PTPRB: variants seen among roughly 807,000 people sequenced by gnomAD.
PTPRB encodes the protein protein tyrosine phosphatase receptor type B, also known as receptor-type tyrosine-protein phosphatase beta.
PTPRB carries 97 observed loss-of-function variants against 238.1 expected under a neutral mutation model. The ratio of observed to expected loss-of-function variants is 0.41; its 90% CI spans 0.35 to 0.48. The LOEUF (loss-of-function observed/expected upper bound fraction) is 0.48. PTPRB is among the 20% of genes least tolerant of loss of function. The probability of loss-of-function intolerance (pLI) is 0.30; values close to 1 mark genes in which losing one functional copy is unlikely to be tolerated. For synonymous variants in PTPRB, 970 were observed against 995.4 expected (o/e 0.97, Z 0.48); for missense variants, 2,292 against 2,681.9 (o/e 0.85, Z 3.21).
intron 2 of PTPRB, among the ~76,000 whole-genome samples, chr12:70,624,601 C>T (rs575053887): frequency 1.3e-5 from 2 of 152,240 alleles, no homozygotes; most frequent in East Asian, 1.9e-4. Context: ...CTTAAGTAGA[C>T]GTTTGTCTAT....
At chr12:70,627,375 T>C (rs1885253593) in intron 2 of PTPRB, among the ~76,000 whole-genome samples, 1 of 151,956 alleles carries the variant, frequency 6.6e-6, no homozygotes, top group African/African-American at 2.4e-5. Flanking sequence ...ATAGGCACAG[T>C]GATTAGGGCC....
rs557292083 is a variant in PTPRB at position 70,579,770 on chromosome 12, C to A, written c.2578+1266G>T. ...ATAGAATGAGGGAAATGGGCATACA[C>A]CAGTGAATTTCTACCAAGACTATGA... On this transcript the variant is annotated intron_variant, in intron 10 of 33. Transcript: ENST00000334414. 3.5e-4 allele frequency among the ~76,000 whole-genome samples: 53 copies of A among 151,424 alleles called. 3 individuals carry two copies. In the South Asian group the frequency reaches 0.01, roughly 29 times the overall value.
intron 3 of PTPRB, among the ~76,000 whole-genome samples, chr12:70,615,023 G>A (rs962278216): frequency 3.3e-5 from 5 of 152,110 alleles, no homozygotes; most frequent in Non-Finnish European, 7.4e-5. Context: ...CATTAGGAGA[G>A]GGCGGTTGTA....
At chr12:70,539,529 C>A (rs2136249410) in intron 26 of PTPRB, 96 bp downstream of exon 26, 4 of 995,672 alleles carry the variant, frequency 4.0e-6, no homozygotes, top group Non-Finnish European at 1.5e-6. Flanking sequence ...CTCCTAACTT[C>A]TGAGCTCAAT....
At chr12:70,610,922 T>A (rs1220311962) in intron 3 of PTPRB, among the ~76,000 whole-genome samples, 1 of 152,188 alleles carries the variant, frequency 6.6e-6, no homozygotes, top group Non-Finnish European at 1.5e-5. Context: ...CGTTCAGCCC[T>A]AACTGTATGC....
chr12:70,586,055 C>T (rs1452741485), intron 9 of PTPRB, among the ~76,000 whole-genome samples: 1 of 152,172 alleles, frequency 6.6e-6, no homozygotes, highest in Non-Finnish European at 1.5e-5. Context: ...CATTGATGGA[C>T]ATTCGGGTTG....
intron 15 of PTPRB, among the ~76,000 whole-genome samples, chr12:70,563,799 C>A (rs188206284): frequency 1.3e-5 from 2 of 152,256 alleles, no homozygotes; most frequent in African/African-American, 2.4e-5. Context: ...TCATCTTCTA[C>A]CAGACATCCC....
At chr12:70,636,093 C>G (rs1325259941) in intron 1 of PTPRB, 27 bp from the exon 2 acceptor site, 2 of 1,552,808 alleles carry the variant, frequency 1.3e-6, no homozygotes, top group Non-Finnish European at 1.7e-6. Flanking sequence ...TCATAAAGCA[C>G]TATGTAGCAA....
At chr12:70,580,635 C>A (rs77312011) in intron 10 of PTPRB, among the ~76,000 whole-genome samples, 1 of 151,762 alleles carries the variant, frequency 6.6e-6, no homozygotes, top group East Asian at 1.9e-4. Flanking sequence ...GCCTGACCAA[C>A]GTGGAGAAAC....
At position 70,592,596 on chromosome 12, in the gene PTPRB, T is replaced by A. The variant is rs1882600685; in HGVS notation, c.1517-51A>T. The A allele has an allele frequency of 2.6e-6, 4 of 1,553,808 alleles. No homozygotes were observed. The South Asian group carries it at 5.0e-5, about 19-fold the overall frequency. On this transcript the variant is annotated intron_variant, in intron 6 of 33. Transcript: ENST00000334414. ...ACTTTTACTCAGGATCTCTCACAAG[T>A]CCTATGGCCAAATTTTGACCTGTAA...
At chr12:70,609,442 T>C in intron 3 of PTPRB, 103 bp from the exon 4 acceptor site, 1 of 1,427,940 alleles carries the variant, frequency 7.0e-7, no homozygotes. Context: ...CTACTTATCC[T>C]TTGTCCCTTG....
intron 33 of PTPRB, among the ~76,000 whole-genome samples, chr12:70,522,318 A>G (rs1871741663): frequency 6.6e-6 from 1 of 152,198 alleles, no homozygotes; most frequent in Non-Finnish European, 1.5e-5. Context: ...CAGCCATGTG[A>G]ACAAGCCATT....
At chr12:70,603,828 C>A (rs903950261) in intron 4 of PTPRB, among the ~76,000 whole-genome samples, 1 of 152,140 alleles carries the variant, frequency 6.6e-6, no homozygotes, top group Admixed American at 6.5e-5. Context: ...GGCTAGTAAG[C>A]GGTAGAGGCA....
At chr12:70,563,842 T>C (rs1164007688) in intron 15 of PTPRB, among the ~76,000 whole-genome samples, 1 of 152,156 alleles carries the variant, frequency 6.6e-6, no homozygotes, top group African/African-American at 2.4e-5. Flanking sequence ...TGTCCCTTCC[T>C]CTATAATCCA....
chr12:70,528,671 TAATA>T (rs969927444), intron 32 of PTPRB, among the ~76,000 whole-genome samples: 23 of 152,082 alleles, frequency 1.5e-4, no homozygotes, highest in African/African-American at 4.6e-4. Flanking sequence ...AAAATAGAAA[TAATA>T]AATAAATGCA....
rs1882990693 is a variant in PTPRB, at chr12:70,596,151, A to G, written c.1156T>C (p.Tyr386His). Residue 386 changes from tyrosine (Y) to histidine (H), a missense_variant, in exon 5 of 34, where the codon TAC (tyrosine) becomes CAC (histidine). Tyr to His is a moderately conservative substitution (Grantham distance 83). Coordinates refer to ENST00000334414, the MANE Select transcript of PTPRB (RefSeq NM_001109754.4). ...QIQESTSWNE[Y>H]TFFNLTAGSK... ...CCAGCAGTGAGATTGAAAAAAGTGT[A>G]TTCATTCCATGAAGTACTTTCTTGA... is the stretch of plus-strand genomic sequence containing the variant. 6.2e-7 allele frequency: 1 copy of G among 1,613,606 alleles called. No individual in the cohort carries two copies. Among genetic ancestry groups the G allele is most frequent in the Non-Finnish European group, 8.5e-7 (1 of 1,179,606 alleles).
chr12:70,548,563 C>A (rs17226395), intron 21 of PTPRB, among the ~76,000 whole-genome samples: 31,270 of 152,088 alleles, frequency 0.21, 3,903 homozygotes, highest in Middle Eastern at 0.38. Flanking sequence ...GCTCTGAAAC[C>A]ACAAGTGTAA....
intron 32 of PTPRB, among the ~76,000 whole-genome samples, chr12:70,529,089 G>T (rs189649901): frequency 1.3e-5 from 2 of 152,134 alleles, no homozygotes; most frequent in Admixed American, 1.3e-4. Context: ...GAGAAAGGGT[G>T]GTGCCTTGAG....
chr12:70,609,122 T>A lies in PTPRB; in HGVS notation c.926A>T (p.Tyr309Phe), dbSNP rs1486445373. 3 of 1,613,856 alleles carry A rather than the reference T, an allele frequency of 1.9e-6. No individual in the cohort carries two copies. The African/African-American group carries it at 4.0e-5, about 22-fold the overall frequency. The change falls in exon 4 of 34, where the codon TAT (tyrosine) becomes TTT (phenylalanine). Residue 309 changes from tyrosine (Y) to phenylalanine (F), a missense_variant. Tyr to Phe is a conservative substitution (Grantham distance 22). Around this residue, in one of 4 missense-constraint regions of PTPRB, gnomAD observed 1,205 missense variants for 1,287.8 expected, o/e 0.94. Coordinates refer to ENST00000334414, the MANE Select transcript of PTPRB (RefSeq NM_001109754.4). ...NLQDLQAGTI[Y>F]NFRIISLDEE... is the part of the protein sequence containing the mutation. Reference sequence around the variant, plus strand: ...ATCCAGAGAAATAATCCTGAAGTTATAGATGGTTCCTGCTTGTAAATCTTG... The same window carrying A: ...ATCCAGAGAAATAATCCTGAAGTTAAAGATGGTTCCTGCTTGTAAATCTTG...
Sources: allele counts gnomAD v4.1 joint callset (sites outside exome capture counted in the v4.1 genomes callset), GRCh38; gene constraint gnomAD v4.1.1; regional missense constraint gnomAD v4.1.1; transcripts MANE v1.5; gene names NCBI Gene and HGNC (gene_info 2026-07-23, HGNC 2026-07-21).